The following EFR3B variants were observed in gnomAD, a reference collection of about 807,000 sequenced individuals.
EFR3B encodes the protein EFR3 homolog B, also known as protein EFR3 homolog B.
A neutral mutation model predicts 104.7 loss-of-function variants in EFR3B; 64 were observed. The observed-to-expected ratio is 0.61, with a 90% confidence interval of 0.50 to 0.75. The LOEUF (loss-of-function observed/expected upper bound fraction) is 0.75, where lower values mean the gene tolerates loss of function less well. Ranked by LOEUF, EFR3B falls within the 30% of genes least tolerant of loss-of-function variation. EFR3B has a pLI of 0.00. For missense variants in EFR3B, 750 were observed against 1,078.5 expected, an observed-to-expected ratio of 0.70 and a Z score of 4.27; for synonymous variants, 385 against 417.9, an observed-to-expected ratio of 0.92 and a Z score of 0.96.
chr2:25,136,443 G>A lies in EFR3B; in HGVS notation c.1485-80G>A. 8.6e-7 allele frequency: 1 copy of A among 1,156,802 alleles called. No individual in the cohort carries two copies. The highest frequency in any genetic ancestry group is 1.4e-5 in the South Asian group (1 of 73,744). The allele number at this position is 1,156,802 out of a possible 1,614,324, so 71.7% of individuals were successfully genotyped here. A position where few individuals can be genotyped will look rare whatever the true frequency, so the allele number is the denominator to read the frequency against. On this transcript the variant is annotated intron_variant, in intron 13 of 22. Coordinates refer to ENST00000403714, the MANE Select transcript of EFR3B (RefSeq NM_014971.2). This position sits in a 1 kb window ranked among gnomAD's most constrained non-coding sequence, Gnocchi z 4.0. ...GGCTTTGTACCAACTAACAATGTTGGGGATAAAGCTCAGTGACCCCGTGTG... is the reference window on the plus strand; with the variant it reads ...GGCTTTGTACCAACTAACAATGTTGAGGATAAAGCTCAGTGACCCCGTGTG...
At chr2:25,093,762 T>C (rs1669200814) in intron 3 of EFR3B, among the ~76,000 whole-genome samples, 1 of 152,200 alleles carries the variant, frequency 6.6e-6, no homozygotes, top group Admixed American at 6.5e-5. Context: ...TCATCCAACC[T>C]GTCCTGCCTT....
intron 1 of EFR3B, among the ~76,000 whole-genome samples, chr2:25,054,738 T>C (rs1036535831): frequency 6.6e-6 from 1 of 152,198 alleles, no homozygotes; most frequent in Non-Finnish European, 1.5e-5. Context: ...TAGAAGGGTC[T>C]GGTTAGTAAG....
intron 15 of EFR3B, among the ~76,000 whole-genome samples, chr2:25,138,347 T>G (rs1670575568): frequency 6.6e-6 from 1 of 152,194 alleles, no homozygotes; most frequent in Admixed American, 6.5e-5. Flanking sequence ...GCAGCCAGTG[T>G]GGCACCGGAC....
rs1263457909 is a variant in EFR3B, at chr2:25,154,230, C to G, written c.2349-5C>G. On this transcript the variant is annotated splice_polypyrimidine_tract_variant and splice_region_variant and intron_variant, in intron 22 of 22. Transcript: ENST00000403714. This position sits in a 1 kb window ranked among gnomAD's most constrained non-coding sequence, Gnocchi z 4.1. ...CCTTTCTCCCCATGTGTTCCTGCCC[C>G]CTAGGCCCCCACCAAGCCCATCAGG... 6.4e-7 allele frequency: 1 copy of G among 1,551,736 alleles called. No individual in the cohort carries two copies. Among genetic ancestry groups the G allele is most frequent in the Admixed American group, 2.0e-5 (1 of 50,998 alleles).
In EFR3B at chr2:25,042,134, G is replaced by C; in HGVS notation, c.-179G>C. The C allele has an allele frequency of 8.5e-6, 4 of 472,576 alleles. No homozygotes were observed. The highest frequency in any genetic ancestry group is 1.3e-5 in the Non-Finnish European group (4 of 312,268). The allele number at this position is 472,576 out of a possible 1,614,324, so 29.3% of individuals were successfully genotyped here. A position where few individuals can be genotyped will look rare whatever the true frequency, so the allele number is the denominator to read the frequency against. On this transcript the variant is annotated 5_prime_UTR_variant, in exon 1 of 23. Transcript: ENST00000403714. The surrounding 1 kb of genome is among the most constrained non-coding windows in gnomAD (Gnocchi z 5.4). ...CTGCAGCCCGGCGCTGAATGGGCTG[G>C]CGGCGCCCGGCTCCGTCCTGCCCGC...
In EFR3B at chr2:25,158,484, G is replaced by C. The variant is rs924972193; in HGVS notation, c.*4144G>C. 1 of 152,278 alleles carries C rather than the reference G, an allele frequency of 6.6e-6. No homozygotes were observed. The highest frequency in any genetic ancestry group is 1.5e-5 in the Non-Finnish European group (1 of 68,074). The allele number at this position is 152,278 out of a possible 1,614,324, so 9.4% of individuals were successfully genotyped here. ...ATCCCATTAACCCTAGAAATCTTCT[G>C]GTTAGAGTGGCCCCTTACCCCAAAT... On this transcript the variant is annotated 3_prime_UTR_variant, in exon 23 of 23. Transcript: ENST00000403714.
intron 5 of EFR3B, among the ~76,000 whole-genome samples, chr2:25,126,195 T>C (rs1413514609): frequency 2.6e-5 from 4 of 152,116 alleles, no homozygotes; most frequent in Non-Finnish European, 5.9e-5. Context: ...ATTTCCTTTT[T>C]TGAGACAGAG....
intron 1 of EFR3B, among the ~76,000 whole-genome samples, chr2:25,078,960 CT>C (rs1668712358): frequency 6.6e-6 from 1 of 152,138 alleles, no homozygotes; most frequent in South Asian, 2.1e-4. Context: ...CGTGGCTCCC[CT>C]AATCTGCTCT....
At chr2:25,127,293 C>CATT (rs1670195118) in intron 5 of EFR3B, among the ~76,000 whole-genome samples, 1 of 150,738 alleles carries the variant, frequency 6.6e-6, no homozygotes, top group South Asian at 2.1e-4. Flanking sequence ...ATCAGGCAAC[C>CATT]ATTCAACATG....
At chr2:25,092,442 A>G (rs1051993618) in intron 2 of EFR3B, among the ~76,000 whole-genome samples, 6 of 120,056 alleles carry the variant, frequency 5.0e-5, no homozygotes, top group Non-Finnish European at 9.2e-5. Context: ...ACACACACAC[A>G]CGGTATATAT....
intron 4 of EFR3B, 55 bp downstream of exon 4, chr2:25,103,842 A>G (rs1291796260): frequency 1.3e-6 from 2 of 1,545,378 alleles, no homozygotes; most frequent in African/African-American, 2.7e-5. Flanking sequence ...GGGGGGTGGC[A>G]GGGGAGAGGG....
Position 25,042,271 on chromosome 2 carries a change from C to A in EFR3B, c.-42C>A. On this transcript the variant is annotated 5_prime_UTR_variant, in exon 1 of 23. Coordinates refer to ENST00000403714, the MANE Select transcript of EFR3B (RefSeq NM_014971.2). This position sits in a 1 kb window ranked among gnomAD's most constrained non-coding sequence, Gnocchi z 5.4. ...GCCGCCGAGGGCTGGCTGGGAACGCCGCAGCGACGCCGGCCTCTCGAGAGG... is the reference window on the plus strand; with the variant it reads ...GCCGCCGAGGGCTGGCTGGGAACGCAGCAGCGACGCCGGCCTCTCGAGAGG... 5 of 1,311,880 alleles carry A rather than the reference C, an allele frequency of 3.8e-6. No individual in the cohort carries two copies. The highest frequency in any genetic ancestry group is 3.9e-6 in the Non-Finnish European group (4 of 1,030,612). The allele number at this position is 1,311,880 out of a possible 1,614,324, so 81.3% of individuals were successfully genotyped here.
At position 25,093,226 on chromosome 2, in the gene EFR3B, G is replaced by A. The variant is rs1484533574; in HGVS notation, c.212+96G>A. 7 of 1,455,832 alleles carry A rather than the reference G, an allele frequency of 4.8e-6. No homozygotes were observed. In the African/African-American group the frequency reaches 9.9e-5, roughly 21 times the overall value. The allele number at this position is 1,455,832 out of a possible 1,614,324, so 90.2% of individuals were successfully genotyped here. ...TAAGAAAATGATGGCCAGGCAGAGTGGCTCACGCCTGTAATCCCAGCGCTT... is the reference window on the plus strand; with the variant it reads ...TAAGAAAATGATGGCCAGGCAGAGTAGCTCACGCCTGTAATCCCAGCGCTT... On this transcript the variant is annotated intron_variant, in intron 3 of 22. Coordinates refer to ENST00000403714, the MANE Select transcript of EFR3B (RefSeq NM_014971.2).
In EFR3B at chr2:25,131,930, C is replaced by CCGGGG. The variant is rs1295437810; in HGVS notation, c.1147+31_1147+35dup. ...ACCGTGGGTGCGGCGCGGGGCCGGG[C>CCGGGG]CGGGGCGGGGCGGGGCCGAGGCGCG... On this transcript the variant is annotated intron_variant, in intron 10 of 22. Coordinates refer to ENST00000403714, the MANE Select transcript of EFR3B (RefSeq NM_014971.2). The surrounding 1 kb of genome is among the most constrained non-coding windows in gnomAD (Gnocchi z 7.6). 7.4e-6 allele frequency: 9 copies of CCGGGG among 1,221,158 alleles called. No homozygotes were observed. Among genetic ancestry groups the CCGGGG allele is most frequent in the Admixed American group, 6.0e-5 (2 of 33,490 alleles). 75.6% of individuals were successfully genotyped at this position (1,221,158 alleles called of 1,614,324 possible).
intron 1 of EFR3B, among the ~76,000 whole-genome samples, chr2:25,055,991 T>C (rs1214013023): frequency 6.6e-6 from 1 of 152,234 alleles, no homozygotes; most frequent in Non-Finnish European, 1.5e-5. Flanking sequence ...TATGTAGTAG[T>C]AAGAGTCCAA....
At chr2:25,111,628 G>A (rs1156664653) in intron 4 of EFR3B, among the ~76,000 whole-genome samples, 1 of 152,214 alleles carries the variant, frequency 6.6e-6, no homozygotes, top group Non-Finnish European at 1.5e-5. Context: ...ATCTCGAGCT[G>A]GGGGAGATTA....
At chr2:25,085,160 C>G (rs1409490653) in intron 1 of EFR3B, among the ~76,000 whole-genome samples, 1 of 152,190 alleles carries the variant, frequency 6.6e-6, no homozygotes, top group African/African-American at 2.4e-5. Context: ...TAATTTCTCT[C>G]TTTTTCGATT....
intron 16 of EFR3B, 107 bp from the exon 17 acceptor site, chr2:25,141,259 G>GC: frequency 8.6e-7 from 1 of 1,161,108 alleles, no homozygotes; most frequent in Non-Finnish European, 1.2e-6. Context: ...TGCTGAGGAG[G>GC]CTGTGGGAGG....
intron 16 of EFR3B, among the ~76,000 whole-genome samples, chr2:25,139,407 CT>C (rs1670602451): frequency 6.6e-6 from 1 of 151,992 alleles, no homozygotes; most frequent in African/African-American, 2.4e-5. Flanking sequence ...TGGGGGGGGT[CT>C]TCTATACCTG....
Sources: allele counts gnomAD v4.1 joint callset (sites outside exome capture counted in the v4.1 genomes callset), GRCh38; gene constraint gnomAD v4.1.1; non-coding constraint Gnocchi (gnomAD v3.1); transcripts MANE v1.5; gene names NCBI Gene and HGNC (gene_info 2026-07-23, HGNC 2026-07-21).